Variants in ST6GALNAC5 observed in about 807,000 individuals in gnomAD.
ST6GALNAC5 encodes the protein ST6 N-acetylgalactosaminide alpha-2,6-sialyltransferase 5.
ST6GALNAC5 carries 27 observed loss-of-function variants against 33.6 expected under a neutral mutation model. That is an observed-to-expected ratio of 0.80 (90% CI 0.59 to 1.11). The LOEUF (loss-of-function observed/expected upper bound fraction) is 1.11. Among genes scored for constraint, ST6GALNAC5 ranks in the 50% least tolerant of loss-of-function variants. The pLI, the probability that ST6GALNAC5 is intolerant of heterozygous loss-of-function variation, is 0.00. For missense variants in ST6GALNAC5, 428 were observed against 454.0 expected (o/e 0.94, Z 0.52); for synonymous variants, 194 against 171.2 (o/e 1.13, Z -1.04).
At chr1:77,062,018 TC>T (rs529950101) in intron 4 of ST6GALNAC5, among the ~76,000 whole-genome samples, 27 of 152,268 alleles carry the variant, frequency 1.8e-4, no homozygotes, top group African/African-American at 6.5e-4. Context: ...TTCCTTTTTC[TC>T]CCATAGGATC....
At chr1:77,053,460 A>G (rs1652294784) in intron 4 of ST6GALNAC5, among the ~76,000 whole-genome samples, 1 of 152,144 alleles carries the variant, frequency 6.6e-6, no homozygotes, top group South Asian at 2.1e-4. Flanking sequence ...ATATCAAGGG[A>G]ATGAATGGCT....
intron 2 of ST6GALNAC5, among the ~76,000 whole-genome samples, chr1:76,960,777 C>T (rs942831891): frequency 1.4e-4 from 21 of 152,192 alleles, no homozygotes; most frequent in Admixed American, 2.6e-4. Context: ...TCTGTTCCGC[C>T]CGGCTCACCA....
intron 3 of ST6GALNAC5, among the ~76,000 whole-genome samples, chr1:77,045,608 A>C (rs1651981404): frequency 6.6e-6 from 1 of 152,252 alleles, no homozygotes; most frequent in African/African-American, 2.4e-5. Context: ...ATGCTTTCTC[A>C]AAAAGATGTA....
intron 2 of ST6GALNAC5, among the ~76,000 whole-genome samples, chr1:77,016,876 T>C (rs990758256): frequency 6.6e-6 from 1 of 152,298 alleles, no homozygotes; most frequent in African/African-American, 2.4e-5. Context: ...TGGGTGAAAG[T>C]AATGTACTCC....
chr1:76,927,638 T>C (rs546800757), intron 2 of ST6GALNAC5, among the ~76,000 whole-genome samples: 2 of 152,278 alleles, frequency 1.3e-5, no homozygotes, highest in Admixed American at 6.5e-5. Flanking sequence ...AGTAGACTTA[T>C]AATTTTAATT....
In ST6GALNAC5 at chr1:76,963,529, G is replaced by T. The variant is rs139226648; in HGVS notation, c.262-80675G>T. On this transcript the variant is annotated intron_variant, in intron 2 of 4. Transcript: ENST00000477717. The stretch of plus-strand genomic sequence containing the variant: ...ACAGACCTGAATTGAAGAATGGGGT[G>T]TCCAAATCACAAGCCTGGTCTGGTT... Among the ~76,000 whole-genome samples, 651 of 152,298 alleles carry T rather than the reference G, an allele frequency of 4.3e-3. 5 individuals carry two copies. The highest frequency in any genetic ancestry group is 0.014 in the African/African-American group (581 of 41,582).
chr1:77,054,382 G>C (rs1356773649), intron 4 of ST6GALNAC5, among the ~76,000 whole-genome samples: 3 of 152,176 alleles, frequency 2.0e-5, no homozygotes, highest in African/African-American at 7.2e-5. Context: ...CCTTCCACCC[G>C]ACTTGGTCAG....
chr1:77,007,211 A>C (rs1650456417), intron 2 of ST6GALNAC5, among the ~76,000 whole-genome samples: 1 of 152,196 alleles, frequency 6.6e-6, no homozygotes, highest in Non-Finnish European at 1.5e-5. Flanking sequence ...TGCTTGATTC[A>C]GTATTCTGAC....
At chr1:76,970,840 C>G (rs1648722481) in intron 2 of ST6GALNAC5, among the ~76,000 whole-genome samples, 1 of 152,132 alleles carries the variant, frequency 6.6e-6, no homozygotes, top group East Asian at 1.9e-4. Context: ...CATTTTCATT[C>G]TAATAACTCA....
At chr1:76,880,270 T>A (rs1161364418) in intron 2 of ST6GALNAC5, among the ~76,000 whole-genome samples, 1 of 152,188 alleles carries the variant, frequency 6.6e-6, no homozygotes, top group Admixed American at 6.5e-5. Flanking sequence ...CCAAGGACTA[T>A]CAGTGTTTTC....
intron 2 of ST6GALNAC5, among the ~76,000 whole-genome samples, chr1:77,005,885 C>T (rs1354154450): frequency 6.6e-6 from 1 of 152,182 alleles, no homozygotes; most frequent in African/African-American, 2.4e-5. Flanking sequence ...GAATTTCATT[C>T]CCTTTCAAGG....
intron 4 of ST6GALNAC5, among the ~76,000 whole-genome samples, chr1:77,062,489 T>A (rs1652611606): frequency 6.6e-6 from 1 of 152,078 alleles, no homozygotes; most frequent in Non-Finnish European, 1.5e-5. Context: ...GGGAACATAC[T>A]GGGAATCCAC....
Position 76,912,290 on chromosome 1 carries a change from C to G in ST6GALNAC5, c.261+43548C>G, listed in dbSNP as rs376759725. On this transcript the variant is annotated intron_variant, in intron 2 of 4. Coordinates refer to ENST00000477717, the MANE Select transcript of ST6GALNAC5 (RefSeq NM_030965.3). ...TTTGATTGCACTGTGGTCTGAGAGA[C>G]AGTTTGTTATAATTTCTGTTCTTTT... Among the ~76,000 whole-genome samples, 32 of 152,152 alleles carry G rather than the reference C, an allele frequency of 2.1e-4. No homozygotes were observed. In the Middle Eastern group the frequency reaches 0.01, roughly 49 times the overall value.
At chr1:76,999,354 T>G (rs868076889) in intron 2 of ST6GALNAC5, among the ~76,000 whole-genome samples, 1 of 152,214 alleles carries the variant, frequency 6.6e-6, no homozygotes, top group African/African-American at 2.4e-5. Context: ...TGATCTAATA[T>G]GTACCTGCCT....
chr1:77,020,172 T>A lies in ST6GALNAC5; in HGVS notation c.262-24032T>A, dbSNP rs112454595. On this transcript the variant is annotated intron_variant, in intron 2 of 4. Coordinates refer to ENST00000477717, the MANE Select transcript of ST6GALNAC5 (RefSeq NM_030965.3). ...GGCATGCTTTTTTAACTGTGGAGCC[T>A]CTTTATGAGGTATATGAAGATAACA... Among the ~76,000 whole-genome samples the A allele has an allele frequency of 7.2e-5, 11 of 152,308 alleles. 2 individuals carry two copies. The highest frequency in any genetic ancestry group is 2.6e-4 in the African/African-American group (11 of 41,568).
At chr1:77,021,489 T>C (rs917947043) in intron 2 of ST6GALNAC5, among the ~76,000 whole-genome samples, 1 of 152,216 alleles carries the variant, frequency 6.6e-6, no homozygotes, top group African/African-American at 2.4e-5. Context: ...CAAGTCAGGA[T>C]GCTTGATGAC....
At chr1:76,985,516 C>T (rs1649456672) in intron 2 of ST6GALNAC5, among the ~76,000 whole-genome samples, 1 of 152,120 alleles carries the variant, frequency 6.6e-6, no homozygotes, top group African/African-American at 2.4e-5. Flanking sequence ...AAAGAGGACA[C>T]AAACAAATGG....
intron 2 of ST6GALNAC5, among the ~76,000 whole-genome samples, chr1:76,967,807 AC>A (rs1648565200): frequency 6.6e-6 from 1 of 152,224 alleles, no homozygotes; most frequent in Admixed American, 6.5e-5. Flanking sequence ...GTTTGAAAGA[AC>A]ATCTTTATTT....
intron 2 of ST6GALNAC5, among the ~76,000 whole-genome samples, chr1:76,986,822 C>T (rs1649519900): frequency 1.3e-5 from 2 of 151,828 alleles, no homozygotes; most frequent in African/African-American, 4.9e-5. Flanking sequence ...CCATGGAATA[C>T]TCTGCAGCCA....
Sources: gnomAD v4.1 joint callset for allele counts (sites outside exome capture counted in the v4.1 genomes callset) on GRCh38, gnomAD v4.1.1 for gene constraint, MANE v1.5 for transcripts, NCBI Gene and HGNC (gene_info 2026-07-23, HGNC 2026-07-21) for gene names.